Variants in PLEKHF1 observed in about 807,000 individuals in gnomAD.
PLEKHF1 encodes the protein pleckstrin homology domain-containing family F member 1.
PLEKHF1 carries 1 observed loss-of-function variant against 4.1 expected under a neutral mutation model. The observed-to-expected ratio is 0.24, with a 90% confidence interval of 0.09 to 1.15. The LOEUF (loss-of-function observed/expected upper bound fraction) is 1.15, where lower values mean the gene tolerates loss of function less well. Ranked by LOEUF, PLEKHF1 falls within the 50% of genes most tolerant of loss-of-function variation. The probability of loss-of-function intolerance (pLI) is 0.52; values close to 1 mark genes in which losing one functional copy is unlikely to be tolerated. For missense variants in PLEKHF1, 429 were observed against 400.6 expected (o/e 1.07, Z -0.60); for synonymous variants, 182 against 178.5 (o/e 1.02, Z -0.16).
At chr19:29,669,754 C>T (rs1221400552) in intron 1 of PLEKHF1, among the ~76,000 whole-genome samples, 3 of 152,130 alleles carry the variant, frequency 2.0e-5, no homozygotes, top group South Asian at 4.2e-4. Context: ...AAAATGAAAC[C>T]TTATAGACGA....
chr19:29,670,739 G>A lies in PLEKHF1; in HGVS notation c.-16-3085G>A, dbSNP rs563745600. Among the ~76,000 whole-genome samples, 10 of 151,870 alleles carry A rather than the reference G, an allele frequency of 6.6e-5. No individual in the cohort carries two copies. In the East Asian group the frequency reaches 7.7e-4, roughly 12 times the overall value. On this transcript the variant is annotated intron_variant, in intron 1 of 1. Coordinates refer to ENST00000436066, the MANE Select transcript of PLEKHF1 (RefSeq NM_024310.5). Reference sequence around the variant, plus strand: ...GTCGCCCAGGCTGGAGCACAGTGGCGCGATCTCGGCTCACTGCAAGCTCCG... The same window carrying A: ...GTCGCCCAGGCTGGAGCACAGTGGCACGATCTCGGCTCACTGCAAGCTCCG...
At chr19:29,665,818 G>A (rs1971563279) in intron 1 of PLEKHF1, 2 of 1,057,286 alleles carry the variant, frequency 1.9e-6, no homozygotes, top group Non-Finnish European at 2.3e-6. Context: ...CGGGCCACCC[G>A]GGACTGCAGG....
chr19:29,668,089 G>C (rs924921235), intron 1 of PLEKHF1, among the ~76,000 whole-genome samples: 16 of 152,136 alleles, frequency 1.1e-4, no homozygotes, highest in African/African-American at 3.9e-4. Flanking sequence ...AAGCCGCAGT[G>C]CTCACATGAG....
At chr19:29,666,016 G>A (rs1288498346) in intron 1 of PLEKHF1, among the ~76,000 whole-genome samples, 2 of 152,132 alleles carry the variant, frequency 1.3e-5, no homozygotes, top group Non-Finnish European at 2.9e-5. Context: ...TGTGATTCTT[G>A]GTGGGAGCTG....
intron 1 of PLEKHF1, among the ~76,000 whole-genome samples, chr19:29,668,463 C>T (rs1315580189): frequency 6.6e-6 from 1 of 151,498 alleles, no homozygotes; most frequent in East Asian, 1.9e-4. Flanking sequence ...CTCATACCTG[C>T]TATCCCAGCA....
At chr19:29,672,473 C>A (rs1348020888) in intron 1 of PLEKHF1, among the ~76,000 whole-genome samples, 1 of 152,134 alleles carries the variant, frequency 6.6e-6, no homozygotes, top group Admixed American at 6.5e-5. Flanking sequence ...ACTGAGAACC[C>A]GTTGCAGGAA....
intron 1 of PLEKHF1, chr19:29,665,823 T>C (rs1971563371): frequency 9.5e-7 from 1 of 1,052,338 alleles, no homozygotes; most frequent in Middle Eastern, 2.7e-4. Flanking sequence ...CACCCGGGAC[T>C]GCAGGGGTCT....
chr19:29,669,763 G>A (rs949796135), intron 1 of PLEKHF1, among the ~76,000 whole-genome samples: 11 of 152,028 alleles, frequency 7.2e-5, no homozygotes, highest in Non-Finnish European at 1.5e-4. Context: ...CCTTATAGAC[G>A]AAAGTGGAAT....
At chr19:29,665,613 G>A (rs1192402460) in intron 1 of PLEKHF1, 108 bp downstream of exon 1, 11 of 1,190,102 alleles carry the variant, frequency 9.2e-6, no homozygotes, top group Admixed American at 3.6e-5. Context: ...CCGCCGCGCG[G>A]TCTTGGCGGC....
intron 1 of PLEKHF1, 58 bp downstream of exon 1, chr19:29,665,563 C>T (rs977285620): frequency 3.7e-5 from 46 of 1,251,060 alleles, no homozygotes; most frequent in Non-Finnish European, 4.4e-5. Context: ...GCGCATGAGG[C>T]GAGTCTCCCA....
At chr19:29,666,226 C>A (rs1249983416) in intron 1 of PLEKHF1, among the ~76,000 whole-genome samples, 1 of 152,146 alleles carries the variant, frequency 6.6e-6, no homozygotes, top group East Asian at 1.9e-4. Flanking sequence ...TTGATCTCTG[C>A]AGCCCAAGGG....
Position 29,674,725 on chromosome 19 carries a change from A to G in PLEKHF1, c.*46A>G. ...TGTCCCCAAGCCAGCTCCACTGCCC[A>G]GGCCCCCAAGAGGGCAGCTCCAGAA... On this transcript the variant is annotated 3_prime_UTR_variant, in exon 2 of 2. Transcript: ENST00000436066. 6.5e-7 allele frequency: 1 copy of G among 1,538,700 alleles called. No individual in the cohort carries two copies.
intron 1 of PLEKHF1, among the ~76,000 whole-genome samples, chr19:29,668,031 G>T (rs1410807431): frequency 1.3e-5 from 2 of 152,190 alleles, no homozygotes; most frequent in Non-Finnish European, 2.9e-5. Context: ...ACAGAACCTG[G>T]CTTCATGGCT....
rs1971675491 is a variant in PLEKHF1 at position 29,674,383 on chromosome 19, G to A, written c.544G>A (p.Val182Ile). 2 of 1,535,686 alleles carry A rather than the reference G, an allele frequency of 1.3e-6. No homozygotes were observed. The highest frequency in any genetic ancestry group is 2.0e-5 in the Admixed American group (1 of 51,156). ...RHHCRKCGFVVCAECSRQRFL... is the reference protein window; with the variant it reads ...RHHCRKCGFVICAECSRQRFL... ...CCACTGCCGCAAGTGCGGCTTCGTG[G>A]TCTGCGCTGAGTGCTCGCGCCAGCG... The change falls in exon 2 of 2, where the codon GTC becomes ATC. Residue 182 changes from valine (V) to isoleucine (I), a missense_variant. Transcript: ENST00000436066.
chr19:29,672,933 G>A (rs1284525287), intron 1 of PLEKHF1, among the ~76,000 whole-genome samples: 1 of 152,102 alleles, frequency 6.6e-6, no homozygotes, highest in African/African-American at 2.4e-5. Context: ...CCCGGCATGA[G>A]CTCTGAGTTA....
intron 1 of PLEKHF1, among the ~76,000 whole-genome samples, chr19:29,673,240 A>AGGGAT (rs1257124932): frequency 1.3e-5 from 2 of 152,104 alleles, no homozygotes; most frequent in African/African-American, 4.8e-5. Flanking sequence ...TGGCAGAGTC[A>AGGGAT]GGGTTGGGTT....
chr19:29,668,173 G>A (rs934119885), intron 1 of PLEKHF1, among the ~76,000 whole-genome samples: 2 of 152,188 alleles, frequency 1.3e-5, no homozygotes, highest in Admixed American at 1.3e-4. Context: ...CTCAAAGAAA[G>A]ATGCAGGTCT....
At chr19:29,672,922 G>A (rs528333739) in intron 1 of PLEKHF1, among the ~76,000 whole-genome samples, 34 of 152,172 alleles carry the variant, frequency 2.2e-4, no homozygotes, top group East Asian at 3.9e-4. Context: ...AGCAGGGGGC[G>A]CCCGGCATGA....
intron 1 of PLEKHF1, chr19:29,666,989 T>G (rs1056141500): frequency 2.0e-5 from 3 of 152,314 alleles, no homozygotes; most frequent in African/African-American, 7.2e-5. Flanking sequence ...TCAATGCACA[T>G]GGAGAAAACC....
Sources: gnomAD v4.1 joint callset for allele counts (sites outside exome capture counted in the v4.1 genomes callset) on GRCh38, gnomAD v4.1.1 for gene constraint, MANE v1.5 for transcripts, NCBI Gene and HGNC (gene_info 2026-07-23, HGNC 2026-07-21) for gene names.